Variants in ROBO2 observed in about 807,000 individuals in gnomAD.
ROBO2 encodes roundabout homolog 2.
A neutral mutation model predicts 160.8 loss-of-function variants in ROBO2; 53 were observed. The observed-to-expected ratio is 0.33, with a 90% CI of 0.26 to 0.41. The LOEUF is 0.41. Ranked by LOEUF, ROBO2 falls within the 10% of genes least tolerant of loss-of-function variation. ROBO2 has a pLI of 1.00. For synonymous variants in ROBO2, 664 were observed against 611.7 expected, an observed-to-expected ratio of 1.09 and a Z score of -1.26; for missense variants, 1,577 against 1,722.4, an observed-to-expected ratio of 0.92 and a Z score of 1.49.
At chr3:76,361,952 A>G (rs2075548220) in intron 2 of ROBO2, among the ~76,000 whole-genome samples, 1 of 152,164 alleles carries the variant, frequency 6.6e-6, no homozygotes, top group Non-Finnish European at 1.5e-5. Context: ...GTTTGAAATC[A>G]TTCTTTGTTC....
intron 2 of ROBO2, among the ~76,000 whole-genome samples, chr3:76,448,399 G>T (rs1257671973): frequency 6.6e-6 from 1 of 152,084 alleles, no homozygotes; most frequent in Non-Finnish European, 1.5e-5. Flanking sequence ...GGTTTCCTGG[G>T]AGGAAAAGGT....
chr3:76,491,356 T>A (rs2107524708), intron 2 of ROBO2, among the ~76,000 whole-genome samples: 1 of 152,274 alleles, frequency 6.6e-6, no homozygotes, highest in South Asian at 2.1e-4. Context: ...ATCTTGTAAA[T>A]TAATACTTGC....
intron 1 of ROBO2, among the ~76,000 whole-genome samples, chr3:77,083,101 G>A (rs998579318): frequency 4.6e-5 from 7 of 151,994 alleles, no homozygotes; most frequent in African/African-American, 1.4e-4. Context: ...TGCAGTCAGC[G>A]TATTTTTTCA....
intron 2 of ROBO2, among the ~76,000 whole-genome samples, chr3:77,145,945 A>C (rs2077086745): frequency 6.6e-6 from 1 of 152,052 alleles, no homozygotes; most frequent in Admixed American, 6.6e-5. Context: ...CATGCTCTTC[A>C]CCTGCCTGAG....
chr3:76,647,077 G>A (rs73120441), intron 2 of ROBO2, among the ~76,000 whole-genome samples: 4,520 of 152,240 alleles, frequency 0.03, 79 homozygotes, highest in Middle Eastern at 0.065. Context: ...GCCCTATGAC[G>A]CAGAGAACTC....
chr3:76,007,705 G>A (rs919203961), intron 2 of ROBO2, among the ~76,000 whole-genome samples: 3 of 152,016 alleles, frequency 2.0e-5, no homozygotes, highest in Non-Finnish European at 4.4e-5. Context: ...CTAAAAATGA[G>A]CATATTTAAT....
Position 77,617,944 on chromosome 3 carries a change from T to C in ROBO2, c.3554+171T>C, listed in dbSNP as rs2094817457. 1.1e-4 allele frequency: 79 copies of C among 734,600 alleles called. No homozygotes were observed. In the South Asian group the frequency reaches 1.4e-3, roughly 13 times the overall value. 45.5% of individuals were successfully genotyped at this position (734,600 alleles called of 1,614,324 possible). The stretch of plus-strand genomic sequence containing the variant: ...ATCCACTGAGAAATGTTAAATAATT[T>C]GGCCAAAACTAGAACTAGAACTAGA... On this transcript the variant is annotated intron_variant, in intron 22 of 25. Coordinates refer to ENST00000461745, the Ensembl canonical transcript of ROBO2.
intron 2 of ROBO2, among the ~76,000 whole-genome samples, chr3:75,950,977 G>A (rs1262733848): frequency 6.6e-6 from 1 of 151,932 alleles, no homozygotes; most frequent in Non-Finnish European, 1.5e-5. Context: ...TATATAAATA[G>A]CTCAAATTCA....
At chr3:76,212,233 C>T (rs985010986) in intron 2 of ROBO2, among the ~76,000 whole-genome samples, 2 of 151,812 alleles carry the variant, frequency 1.3e-5, no homozygotes, top group South Asian at 4.1e-4. Flanking sequence ...TAGTATTTTA[C>T]TACCTAATGG....
intron 8 of ROBO2, 147 bp from the exon 10 acceptor site, chr3:77,557,797 A>T (rs1385926302): frequency 3.0e-6 from 2 of 671,544 alleles, no homozygotes; most frequent in East Asian, 5.4e-5. Flanking sequence ...TTTAGAATAT[A>T]CATGACCAAG....
intron 2 of ROBO2, among the ~76,000 whole-genome samples, chr3:76,345,674 A>G (rs2074489864): frequency 6.6e-6 from 1 of 151,876 alleles, no homozygotes; most frequent in African/African-American, 2.4e-5. Flanking sequence ...GTACTGAAAA[A>G]TTGTCCTGAT....
intron 2 of ROBO2, among the ~76,000 whole-genome samples, chr3:76,913,586 AT>A (rs982807322): frequency 6.6e-6 from 1 of 152,274 alleles, no homozygotes; most frequent in Non-Finnish European, 1.5e-5. Context: ...AAAACCTAAG[AT>A]TTTTTTAAGA....
intron 1 of ROBO2, among the ~76,000 whole-genome samples, chr3:77,047,970 C>T (rs2064854401): frequency 6.6e-6 from 1 of 151,896 alleles, no homozygotes; most frequent in Admixed American, 6.6e-5. Context: ...TGGCTTGAAC[C>T]TGGGAGGTGG....
At chr3:77,017,975 A>T (rs949670489) in intron 2 of ROBO2, among the ~76,000 whole-genome samples, 6 of 152,182 alleles carry the variant, frequency 3.9e-5, no homozygotes, top group African/African-American at 1.4e-4. Flanking sequence ...ACTAGGCATA[A>T]ATTGGGTAAT....
At chr3:77,412,155 C>T (rs369505430) in intron 2 of ROBO2, among the ~76,000 whole-genome samples, 46 of 152,270 alleles carry the variant, frequency 3.0e-4, no homozygotes, top group East Asian at 5.8e-4. Context: ...AGTGCTTGCA[C>T]GATCATTTGA....
intron 2 of ROBO2, among the ~76,000 whole-genome samples, chr3:77,145,084 A>C (rs2077016968): frequency 1.3e-5 from 2 of 152,164 alleles, no homozygotes; most frequent in Admixed American, 6.5e-5. Context: ...AATTGAAATG[A>C]ATAAAGTTAA....
At chr3:76,147,647 G>T (rs2106814618) in intron 2 of ROBO2, among the ~76,000 whole-genome samples, 1 of 152,094 alleles carries the variant, frequency 6.6e-6, no homozygotes, top group East Asian at 1.9e-4. Flanking sequence ...CACTGAGACA[G>T]CAGGTTTTGC....
intron 2 of ROBO2, among the ~76,000 whole-genome samples, chr3:76,164,981 A>ACCC (rs760744298): frequency 6.6e-6 from 1 of 152,220 alleles, no homozygotes; most frequent in Non-Finnish European, 1.5e-5. Flanking sequence ...ACGGAGCTGC[A>ACCC]TAGTCTCCTT....
intron 2 of ROBO2, among the ~76,000 whole-genome samples, chr3:77,174,968 G>A (rs953483634): frequency 2.6e-5 from 4 of 152,024 alleles, no homozygotes; most frequent in Non-Finnish European, 4.4e-5. Flanking sequence ...ACTACTTACT[G>A]TCACCATACG....
Sources: allele counts gnomAD v4.1 joint callset (sites outside exome capture counted in the v4.1 genomes callset), GRCh38; gene constraint gnomAD v4.1.1; transcripts MANE v1.5; gene names NCBI Gene and HGNC (gene_info 2026-07-23, HGNC 2026-07-21).